The following GPC5 variants were observed in gnomAD, a reference collection of about 807,000 sequenced individuals.
GPC5 encodes glypican-5.
Under a neutral mutation model 53.9 loss-of-function variants are expected in GPC5, and 47 were observed. The observed-to-expected ratio is 0.87, with a 90% CI of 0.69 to 1.11. GPC5 has a LOEUF of 1.11. Among genes scored for constraint, GPC5 ranks in the 50% most tolerant of loss-of-function variants. The pLI is 0.00. For missense variants in GPC5, 748 were observed against 713.1 expected, an observed-to-expected ratio of 1.05 and a Z score of -0.56; for synonymous variants, 286 against 263.3, an observed-to-expected ratio of 1.09 and a Z score of -0.84.
At chr13:92,212,470 C>A (rs752776631) in intron 7 of GPC5, among the ~76,000 whole-genome samples, 1 of 152,136 alleles carries the variant, frequency 6.6e-6, no homozygotes, top group Non-Finnish European at 1.5e-5. Flanking sequence ...TGTTAAATTT[C>A]TTTGGAACTC....
chr13:91,841,525 C>T (rs1400505442), intron 5 of GPC5, among the ~76,000 whole-genome samples: 8 of 151,974 alleles, frequency 5.3e-5, no homozygotes, highest in South Asian at 2.1e-4. Context: ...ATGTCTTCTT[C>T]GTTCTGTTGC....
chr13:91,823,034 A>G (rs561075120), intron 5 of GPC5, among the ~76,000 whole-genome samples: 3 of 152,140 alleles, frequency 2.0e-5, no homozygotes, highest in Admixed American at 2.0e-4. Context: ...GGGTTCTGAC[A>G]TCTACTAAAC....
At chr13:91,496,213 T>C (rs748363023) in intron 2 of GPC5, among the ~76,000 whole-genome samples, 3 of 152,194 alleles carry the variant, frequency 2.0e-5, no homozygotes, top group Non-Finnish European at 4.4e-5. Context: ...ATATGTGTTC[T>C]AGGAATATTC....
At chr13:91,618,627 T>A (rs1223069734) in intron 2 of GPC5, among the ~76,000 whole-genome samples, 1 of 150,048 alleles carries the variant, frequency 6.7e-6, no homozygotes, top group Admixed American at 6.8e-5. Context: ...AGTGGCAAGA[T>A]CTTGATTACG....
At chr13:92,259,117 A>T (rs1468435245) in intron 7 of GPC5, among the ~76,000 whole-genome samples, 1 of 152,202 alleles carries the variant, frequency 6.6e-6, no homozygotes, top group African/African-American at 2.4e-5. Flanking sequence ...TAGATAGAAC[A>T]TATGACATTA....
At chr13:91,640,439 C>T (rs974562993) in intron 2 of GPC5, among the ~76,000 whole-genome samples, 11 of 152,184 alleles carry the variant, frequency 7.2e-5, no homozygotes, top group South Asian at 2.1e-4. Flanking sequence ...TACCATCTCA[C>T]GCCAGTCAGA....
At chr13:92,174,365 C>CAAA (rs5805735) in intron 7 of GPC5, among the ~76,000 whole-genome samples, 3 of 138,852 alleles carry the variant, frequency 2.2e-5, no homozygotes, top group Admixed American at 7.2e-5. Context: ...ACTAAAAACA[C>CAAA]AAAAAAAAAA....
rs77639423 is a variant in GPC5, at chr13:92,590,568, A to G, written c.1562-275714A>G. Among the ~76,000 whole-genome samples, 42 of 152,308 alleles carry G rather than the reference A, an allele frequency of 2.8e-4. 1 individual carries two copies. The East Asian group carries it at 8.1e-3, about 29-fold the overall frequency. ...TCAGAGCTGAGTCATGACAGTTGACACTTCACTCAAACATTCCTTCTGAAT... is the reference window on the plus strand; with the variant it reads ...TCAGAGCTGAGTCATGACAGTTGACGCTTCACTCAAACATTCCTTCTGAAT... On this transcript the variant is annotated intron_variant, in intron 7 of 7. Transcript: ENST00000377067.
Position 92,512,253 on chromosome 13 carries a change from C to T in GPC5, c.1562-354029C>T, listed in dbSNP as rs367815052. Among the ~76,000 whole-genome samples the T allele has an allele frequency of 7.9e-3, 1,044 of 131,850 alleles. 11 individuals carry two copies. The highest frequency in any genetic ancestry group is 0.024 in the African/African-American group (956 of 39,204). 86.5% of individuals were successfully genotyped at this position (131,850 alleles called of 152,430 possible). ...GATTGTATGTGTGTGTGTGTGTGCG[C>T]GCGCGCGCGCGTACGCTGTGTGCAT... On this transcript the variant is annotated intron_variant, in intron 7 of 7. Transcript: ENST00000377067.
chr13:92,648,280 A>T (rs1375590526), intron 7 of GPC5, among the ~76,000 whole-genome samples: 3 of 152,056 alleles, frequency 2.0e-5, no homozygotes, highest in African/African-American at 7.2e-5. Flanking sequence ...ATTTTGATAC[A>T]TTATTTGTTT....
chr13:92,495,794 G>C (rs1879956045), intron 7 of GPC5, among the ~76,000 whole-genome samples: 1 of 151,860 alleles, frequency 6.6e-6, no homozygotes, highest in South Asian at 2.1e-4. Context: ...CATTATTCAT[G>C]AATCTGCAGT....
intron 7 of GPC5, among the ~76,000 whole-genome samples, chr13:92,737,119 A>C (rs983011387): frequency 1.3e-5 from 2 of 152,028 alleles, no homozygotes; most frequent in African/African-American, 4.8e-5. Context: ...TTGCATAGCT[A>C]CTTTGCAGAG....
intron 7 of GPC5, among the ~76,000 whole-genome samples, chr13:92,258,643 T>G (rs1184261158): frequency 2.0e-5 from 3 of 152,134 alleles, no homozygotes; most frequent in Non-Finnish European, 4.4e-5. Flanking sequence ...GGTTCAATCT[T>G]AAAAAAATGT....
chr13:92,075,220 G>A (rs536436773), intron 6 of GPC5, among the ~76,000 whole-genome samples: 11 of 152,162 alleles, frequency 7.2e-5, no homozygotes, highest in African/African-American at 1.9e-4. Flanking sequence ...TGTATGTGAC[G>A]AAAAAATGTT....
At chr13:91,799,941 T>C (rs994524081) in intron 5 of GPC5, among the ~76,000 whole-genome samples, 1 of 152,130 alleles carries the variant, frequency 6.6e-6, no homozygotes, top group Non-Finnish European at 1.5e-5. Context: ...AATGTTAATA[T>C]TGGAAACACA....
At chr13:91,617,732 A>G (rs1156774154) in intron 2 of GPC5, among the ~76,000 whole-genome samples, 1 of 152,094 alleles carries the variant, frequency 6.6e-6, no homozygotes, top group Non-Finnish European at 1.5e-5. Context: ...GAAGTGAACA[A>G]AACAGGAAAA....
chr13:92,180,653 C>T (rs1475183534), intron 7 of GPC5: 2 of 155,682 alleles, frequency 1.3e-5, no homozygotes, highest in Non-Finnish European at 2.9e-5. Flanking sequence ...TGGAGATTTT[C>T]TCATTCAACT....
At chr13:92,064,867 A>G (rs770025743) in intron 6 of GPC5, among the ~76,000 whole-genome samples, 113 of 152,014 alleles carry the variant, frequency 7.4e-4, no homozygotes, top group Non-Finnish European at 1.3e-3. Context: ...GAAGATACCT[A>G]GAGGAGTGTT....
At chr13:92,310,061 C>T (rs180874229) in intron 7 of GPC5, among the ~76,000 whole-genome samples, 53 of 152,096 alleles carry the variant, frequency 3.5e-4, no homozygotes, top group African/African-American at 1.2e-3. Flanking sequence ...TTTAATCCAT[C>T]CTGTCACTAG....
Sources: allele counts gnomAD v4.1 joint callset (sites outside exome capture counted in the v4.1 genomes callset), GRCh38; gene constraint gnomAD v4.1.1; transcripts MANE v1.5; gene names NCBI Gene and HGNC (gene_info 2026-07-23, HGNC 2026-07-21).